EDRF1: variants seen among roughly 807,000 people sequenced by gnomAD.
EDRF1 encodes the protein erythroid differentiation-related factor 1.
Under a neutral mutation model 148.7 loss-of-function variants are expected in EDRF1, and 69 were observed. The observed-to-expected ratio is 0.46, with a 90% CI of 0.38 to 0.57. The LOEUF (loss-of-function observed/expected upper bound fraction) is 0.57, where lower values mean the gene tolerates loss of function less well. Among genes scored for constraint, EDRF1 ranks in the 20% least tolerant of loss-of-function variants. The probability of loss-of-function intolerance (pLI) is 0.00; values close to 1 mark genes in which losing one functional copy is unlikely to be tolerated. For missense variants in EDRF1, 1,118 were observed against 1,478.7 expected (o/e 0.76, Z 4.00); for synonymous variants, 515 against 532.8 (o/e 0.97, Z 0.46).
chr10:125,733,630 T>C lies in EDRF1; in HGVS notation c.1277-5T>C, dbSNP rs1249110434. On this transcript the variant is annotated splice_polypyrimidine_tract_variant and splice_region_variant and intron_variant, in intron 10 of 24. Coordinates refer to ENST00000356792, the MANE Select transcript of EDRF1 (RefSeq NM_001202438.2). Reference sequence around the variant, plus strand: ...GAAATGAGTCTTCTTTGTTTTTCTTTTCAGCAAGTGGCAGCGATATAGTGA... The same window carrying C: ...GAAATGAGTCTTCTTTGTTTTTCTTCTCAGCAAGTGGCAGCGATATAGTGA... The C allele has an allele frequency of 1.9e-6, 3 of 1,613,510 alleles. 1 individual carries two copies. Among genetic ancestry groups the C allele is most frequent in the East Asian group, 2.2e-5 (1 of 44,840 alleles).
chr10:125,735,666 T>G lies in EDRF1; in HGVS notation c.1520T>G (p.Met507Arg). The G allele has an allele frequency of 6.2e-7, 1 of 1,613,164 alleles. No individual in the cohort carries two copies. Among genetic ancestry groups the G allele is most frequent in the Non-Finnish European group, 8.5e-7 (1 of 1,179,304 alleles). Residue 507 changes from methionine to arginine, a missense_variant, in exon 13 of 25, where the codon ATG (methionine) becomes AGG (arginine). Met to Arg is a moderately conservative substitution (Grantham distance 91). This residue lies in a region of EDRF1 where 954 missense variants were observed against 1,241.4 expected (regional missense o/e 0.77). Transcript: ENST00000356792. ...AAGATTATTGCTTCCGCCAATTACATGCTTTCAGAACTTTTTCAATTGGAT... is the reference window on the plus strand; with the variant it reads ...AAGATTATTGCTTCCGCCAATTACAGGCTTTCAGAACTTTTTCAATTGGAT... ...HPQIIASANY[M>R]LSELFQLDEP...
intron 12 of EDRF1, 133 bp downstream of exon 12, chr10:125,734,316 G>A (rs2133698539): frequency 2.8e-6 from 2 of 725,390 alleles, no homozygotes; most frequent in East Asian, 2.6e-5. Context: ...AGCACATGTG[G>A]CTGTTGATCA....
At chr10:125,744,287 T>TA (rs1255871811) in intron 18 of EDRF1, among the ~76,000 whole-genome samples, 1 of 151,324 alleles carries the variant, frequency 6.6e-6, no homozygotes, top group African/African-American at 2.4e-5. Context: ...GGCATAATCA[T>TA]AGCTTGCCAC....
At chr10:125,746,530 T>A (rs978152427) in intron 19 of EDRF1, among the ~76,000 whole-genome samples, 6 of 152,308 alleles carry the variant, frequency 3.9e-5, no homozygotes, top group African/African-American at 9.6e-5. Context: ...ACACATTTTT[T>A]AAAAAAAGTA....
At position 125,741,090 on chromosome 10, in the gene EDRF1, A is replaced by G; in HGVS notation, c.2260A>G (p.Met754Val). Residue 754 changes from methionine (M) to valine (V), a missense_variant, in exon 17 of 25, where the codon ATG becomes GTG. By Grantham distance (21) the Met-to-Val change is conservative. Transcript: ENST00000356792. ...GACACTTTGTGGTGATATCCAACTA[A>G]TGCTGGCCCAGAATGCAAATAATAG... Reference protein sequence around the residue: ...YLTLCGDIQLMLAQNANNRAA... With the variant: ...YLTLCGDIQLVLAQNANNRAA... 2 of 1,614,080 alleles carry G rather than the reference A, an allele frequency of 1.2e-6. No homozygotes were observed. Among genetic ancestry groups the G allele is most frequent in the Non-Finnish European group, 1.7e-6 (2 of 1,180,024 alleles).
chr10:125,748,250 A>C (rs1849467064), intron 21 of EDRF1: 3 of 568,132 alleles, frequency 5.3e-6, no homozygotes, highest in Non-Finnish European at 9.5e-6. Context: ...TCTGTGGCTT[A>C]CTGCCTGTCA....
rs142976262 is a variant in EDRF1, at chr10:125,733,314, G to T, written c.1129-90G>T. 1.1e-3 allele frequency: 1,086 copies of T among 1,009,438 alleles called. 6 individuals are homozygous for T. Among genetic ancestry groups the T allele is most frequent in the South Asian group, 9.4e-3 (643 of 68,220 alleles). The allele number at this position is 1,009,438 out of a possible 1,614,324, so 62.5% of individuals were successfully genotyped here. A position where few individuals can be genotyped will look rare whatever the true frequency, so the allele number is the denominator to read the frequency against. Reference sequence around the variant, plus strand: ...ATGCTACATAGGTCTCTGTTTGCAGGACTTCTGCATTTGGTTGCTTTTTAA... The same window carrying T: ...ATGCTACATAGGTCTCTGTTTGCAGTACTTCTGCATTTGGTTGCTTTTTAA... On this transcript the variant is annotated intron_variant, in intron 9 of 24. Transcript: ENST00000356792.
chr10:125,740,686 C>G, intron 16 of EDRF1, 35 bp downstream of exon 16: 1 of 1,595,786 alleles, frequency 6.3e-7, no homozygotes, highest in African/African-American at 1.3e-5. Flanking sequence ...TTAATAGGCA[C>G]TGGGAAGAGA....
In EDRF1 at chr10:125,747,558, C is replaced by T. The variant is rs758980140; in HGVS notation, c.2837C>T (p.Ala946Val). 9 of 1,613,956 alleles carry T rather than the reference C, an allele frequency of 5.6e-6. No individual in the cohort carries two copies. The highest frequency in any genetic ancestry group is 1.7e-5 in the Admixed American group (1 of 59,994). Residue 946 changes from alanine (A) to valine (V), a missense_variant, in exon 20 of 25, where the codon GCG becomes GTG. By Grantham distance (64) the Ala-to-Val change is moderately conservative. Transcript: ENST00000356792. ...YNKAIDYYLK[A>V]LRSLGTRDIH... is the part of the protein sequence containing the mutation. Reference sequence around the variant, plus strand: ...CAGGCTATTGATTACTATTTGAAAGCGCTAAGGTCATTGGGAACACGAGAC... The same window carrying T: ...CAGGCTATTGATTACTATTTGAAAGTGCTAAGGTCATTGGGAACACGAGAC...
At position 125,763,374 on chromosome 10, in the gene EDRF1, A is replaced by G; in HGVS notation, c.3619A>G (p.Asn1207Asp). The G allele has an allele frequency of 1.2e-6, 2 of 1,613,616 alleles. No individual in the cohort carries two copies. Among genetic ancestry groups the G allele is most frequent in the Non-Finnish European group, 1.7e-6 (2 of 1,180,042 alleles). ...CTCCCAGCTTTTGAGAGCAACTGCA[A>G]ATAAAACCGCGACTCTTCTGGAAAG... The part of the protein sequence containing the change: ...IYSQLLRATA[N>D]KTATLLERIN... Residue 1207 changes from asparagine (N) to aspartate (D), a missense_variant, in exon 25 of 25, where the codon AAT becomes GAT. Asn to Asp is a conservative substitution (Grantham distance 23). Around this residue, in one of 3 missense-constraint regions of EDRF1, gnomAD observed 954 missense variants for 1,241.4 expected, o/e 0.77. Coordinates refer to ENST00000356792, the MANE Select transcript of EDRF1 (RefSeq NM_001202438.2). This position sits in a 1 kb window ranked among gnomAD's most constrained non-coding sequence, Gnocchi z 4.3.
chr10:125,750,559 G>A (rs558678760), intron 22 of EDRF1: 1 of 152,170 alleles, frequency 6.6e-6, no homozygotes, highest in African/African-American at 2.4e-5. Context: ...GTAAAATAAG[G>A]TTAATACTTT....
chr10:125,719,745 G>A lies in EDRF1; in HGVS notation c.-63G>A. 1.5e-6 allele frequency: 2 copies of A among 1,377,242 alleles called. No homozygotes were observed. The highest frequency in any genetic ancestry group is 2.6e-5 in the South Asian group (2 of 78,410). The allele number at this position is 1,377,242 out of a possible 1,614,324, so 85.3% of individuals were successfully genotyped here. A position where few individuals can be genotyped will look rare whatever the true frequency, so the allele number is the denominator to read the frequency against. On this transcript the variant is annotated 5_prime_UTR_variant, in exon 1 of 25. Coordinates refer to ENST00000356792, the MANE Select transcript of EDRF1 (RefSeq NM_001202438.2). Reference sequence around the variant, plus strand: ...CGTCTCTGGCGCTTACCCTGCTTTGGGCCTGCGTTGCTGCTGCTGCTCCTC... The same window carrying A: ...CGTCTCTGGCGCTTACCCTGCTTTGAGCCTGCGTTGCTGCTGCTGCTCCTC...
In EDRF1 at chr10:125,743,254, T is replaced by A; in HGVS notation, c.2568T>A (p.Ala856=). 1 of 1,613,696 alleles carries A rather than the reference T, an allele frequency of 6.2e-7. No individual in the cohort carries two copies. Among genetic ancestry groups the A allele is most frequent in the Non-Finnish European group, 8.5e-7 (1 of 1,179,756 alleles). ...GTGTGTTTTACATGAATCAGGCTGC[T>A]GCATTACAGAGTGAGAGACTAGGTG... ...EIGVFYMNQA[A]ALQSERLVSK... is the part of the protein sequence containing the mutation. The change falls in exon 18 of 25, where the codon GCT becomes GCA. Residue 856 remains alanine (A), a synonymous_variant. Transcript: ENST00000356792.
intron 15 of EDRF1, among the ~76,000 whole-genome samples, chr10:125,740,255 AG>A (rs1848946512): frequency 6.6e-6 from 1 of 152,246 alleles, no homozygotes; most frequent in South Asian, 2.1e-4. Context: ...TGCCGATGTC[AG>A]GGAAGCAGAA....
chr10:125,763,591 G>A lies in EDRF1; in HGVS notation c.*119G>A. 3 of 1,161,102 alleles carry A rather than the reference G, an allele frequency of 2.6e-6. No individual in the cohort carries two copies. Among genetic ancestry groups the A allele is most frequent in the Non-Finnish European group, 3.7e-6 (3 of 815,574 alleles). The allele number at this position is 1,161,102 out of a possible 1,614,324, so 71.9% of individuals were successfully genotyped here. On this transcript the variant is annotated 3_prime_UTR_variant, in exon 25 of 25. Transcript: ENST00000356792. This position sits in a 1 kb window ranked among gnomAD's most constrained non-coding sequence, Gnocchi z 4.3. ...ATATCCATTTAAAACAGGTATATCA[G>A]TGGAAACACAGAGTTATTTTAAGTG...
At position 125,763,241 on chromosome 10, in the gene EDRF1, C is replaced by T; in HGVS notation, c.3546-60C>T. 1 of 1,538,016 alleles carries T rather than the reference C, an allele frequency of 6.5e-7. No homozygotes were observed. The highest frequency in any genetic ancestry group is 8.9e-7 in the Non-Finnish European group (1 of 1,121,778). The stretch of plus-strand genomic sequence containing the variant: ...TGTCACTGTCCGGTTTTCTGGACCT[C>T]TGAATTGTCGGTAGGCATTGCTGGT... On this transcript the variant is annotated intron_variant, in intron 24 of 24. Coordinates refer to ENST00000356792, the MANE Select transcript of EDRF1 (RefSeq NM_001202438.2). The surrounding 1 kb of genome is among the most constrained non-coding windows in gnomAD (Gnocchi z 4.3).
rs1450591528 is a variant in EDRF1, at chr10:125,741,053, C to T, written c.2223C>T (p.Leu741=). 9 of 1,614,002 alleles carry T rather than the reference C, an allele frequency of 5.6e-6. No individual in the cohort carries two copies. The highest frequency in any genetic ancestry group is 5.9e-6 in the Non-Finnish European group (7 of 1,180,048). ...TNMLSEVLLF[L]SQYLTLCGDI... is the part of the protein sequence containing the mutation. ...TGCTTTCCGAAGTGCTGTTGTTTCT[C>T]TCTCAATATTTGACACTTTGTGGTG... Residue 741 remains leucine, a synonymous_variant, in exon 17 of 25, where the codon CTC becomes CTT. Coordinates refer to ENST00000356792, the MANE Select transcript of EDRF1 (RefSeq NM_001202438.2).
At chr10:125,739,517 C>G (rs1848906337) in intron 15 of EDRF1, among the ~76,000 whole-genome samples, 6 of 152,184 alleles carry the variant, frequency 3.9e-5, no homozygotes, top group Admixed American at 3.9e-4. Context: ...CACACATGCA[C>G]ACACACGGTT....
intron 24 of EDRF1, among the ~76,000 whole-genome samples, chr10:125,756,313 C>G (rs1849894715): frequency 6.6e-6 from 1 of 152,156 alleles, no homozygotes; most frequent in Admixed American, 6.5e-5. Flanking sequence ...TGTGTTTGTT[C>G]TCTTCTTTCA....
Sources: allele counts gnomAD v4.1 joint callset (sites outside exome capture counted in the v4.1 genomes callset), GRCh38; gene constraint gnomAD v4.1.1; regional missense constraint gnomAD v4.1.1; non-coding constraint Gnocchi (gnomAD v3.1); transcripts MANE v1.5; gene names NCBI Gene and HGNC (gene_info 2026-07-23, HGNC 2026-07-21).